Variants in PTPRD observed in about 807,000 individuals in gnomAD.
PTPRD encodes protein tyrosine phosphatase receptor type D, also known as receptor-type tyrosine-protein phosphatase delta.
In PTPRD, 34 loss-of-function variants were observed where a neutral mutation model predicts 214.5. The observed-to-expected ratio is 0.16, with a 90% CI of 0.12 to 0.21. The LOEUF (loss-of-function observed/expected upper bound fraction) is 0.21. Among genes scored for constraint, PTPRD ranks in the 10% least tolerant of loss-of-function variants. The pLI is 1.00. For missense variants in PTPRD, 2,545 were observed against 2,398.7 expected, an observed-to-expected ratio of 1.06 and a Z score of -1.27; for synonymous variants, 1,128 against 845.7, an observed-to-expected ratio of 1.33 and a Z score of -5.79.
At chr9:10,556,842 C>T (rs2062720461) in intron 2 of PTPRD, among the ~76,000 whole-genome samples, 1 of 151,958 alleles carries the variant, frequency 6.6e-6, no homozygotes, top group Non-Finnish European at 1.5e-5. Flanking sequence ...TAATTTTAAG[C>T]AACAGATAGT....
intron 39 of PTPRD, among the ~76,000 whole-genome samples, chr9:8,364,887 C>T (rs570855555): frequency 6.6e-6 from 1 of 152,314 alleles, no homozygotes; most frequent in South Asian, 2.1e-4. Context: ...AAATTACCTA[C>T]TCCAATCATC....
chr9:9,011,219 C>T (rs915876014), intron 11 of PTPRD, among the ~76,000 whole-genome samples: 2 of 152,022 alleles, frequency 1.3e-5, no homozygotes, highest in Admixed American at 6.6e-5. Flanking sequence ...ATAGCTTCTC[C>T]TCATTTACAT....
chr9:8,941,949 G>A (rs2099036558), intron 11 of PTPRD, among the ~76,000 whole-genome samples: 1 of 152,104 alleles, frequency 6.6e-6, no homozygotes, highest in Non-Finnish European at 1.5e-5. Context: ...GGGATTACAG[G>A]CGCCCACTAC....
chr9:8,881,487 AC>A (rs1465444861), intron 11 of PTPRD, among the ~76,000 whole-genome samples: 1 of 152,222 alleles, frequency 6.6e-6, no homozygotes, highest in Non-Finnish European at 1.5e-5. Context: ...AATGTAGTAT[AC>A]AGTTAGTTCT....
chr9:8,556,982 A>C (rs747865082), intron 14 of PTPRD, among the ~76,000 whole-genome samples: 1 of 152,180 alleles, frequency 6.6e-6, no homozygotes, highest in South Asian at 2.1e-4. Context: ...AATTAATACA[A>C]TATTGGCAAT....
intron 2 of PTPRD, among the ~76,000 whole-genome samples, chr9:10,359,032 G>C (rs752790553): frequency 6.6e-6 from 1 of 151,860 alleles, no homozygotes; most frequent in Non-Finnish European, 1.5e-5. Flanking sequence ...CCTTGCCTAT[G>C]TGTGTATATA....
chr9:8,373,337 A>C (rs1285806110), intron 39 of PTPRD, among the ~76,000 whole-genome samples: 1 of 152,032 alleles, frequency 6.6e-6, no homozygotes, highest in East Asian at 1.9e-4. Flanking sequence ...TTCTTACCAG[A>C]CATGTAAAAT....
At chr9:8,911,854 G>C (rs918449868) in intron 11 of PTPRD, among the ~76,000 whole-genome samples, 1 of 151,902 alleles carries the variant, frequency 6.6e-6, no homozygotes, top group Non-Finnish European at 1.5e-5. Context: ...TGAGCAAAAG[G>C]CTTGAACAGA....
intron 29 of PTPRD, among the ~76,000 whole-genome samples, chr9:8,484,837 G>C (rs904904131): frequency 3.3e-5 from 5 of 152,056 alleles, no homozygotes; most frequent in African/African-American, 9.7e-5. Flanking sequence ...TTAATGGCAA[G>C]CCAGAGTTTA....
intron 5 of PTPRD, among the ~76,000 whole-genome samples, chr9:9,780,353 A>G (rs978905474): frequency 1.3e-5 from 2 of 152,190 alleles, no homozygotes; most frequent in African/African-American, 4.8e-5. Flanking sequence ...AAATCTGCAT[A>G]TGTACCCCTG....
At chr9:9,702,912 A>G (rs1372584929) in intron 7 of PTPRD, among the ~76,000 whole-genome samples, 3 of 152,168 alleles carry the variant, frequency 2.0e-5, no homozygotes, top group Non-Finnish European at 4.4e-5. Flanking sequence ...CGTAAAGCCA[A>G]TCCATACATG....
chr9:10,566,004 G>T (rs375275536), intron 2 of PTPRD, among the ~76,000 whole-genome samples: 2 of 151,846 alleles, frequency 1.3e-5, no homozygotes, highest in African/African-American at 4.8e-5. Flanking sequence ...GTATAAGGTT[G>T]TCTATTTTTG....
chr9:8,737,805 C>T (rs1049922346), intron 11 of PTPRD, among the ~76,000 whole-genome samples: 1 of 152,112 alleles, frequency 6.6e-6, no homozygotes, highest in Admixed American at 6.5e-5. Context: ...TGTGCGCCAC[C>T]ACGCCTGGCT....
chr9:8,905,788 T>C (rs1047819785), intron 11 of PTPRD, among the ~76,000 whole-genome samples: 1 of 151,880 alleles, frequency 6.6e-6, no homozygotes, highest in Non-Finnish European at 1.5e-5. Context: ...CCTACCCTTC[T>C]TCCATTGTAG....
At chr9:10,420,317 T>A (rs190642783) in intron 2 of PTPRD, among the ~76,000 whole-genome samples, 5 of 152,020 alleles carry the variant, frequency 3.3e-5, no homozygotes, top group Admixed American at 6.6e-5. Context: ...TCCTTTGACA[T>A]CTTTACTAGT....
chr9:10,155,183 T>C (rs893982184), intron 3 of PTPRD, among the ~76,000 whole-genome samples: 1 of 152,144 alleles, frequency 6.6e-6, no homozygotes, highest in Non-Finnish European at 1.5e-5. Flanking sequence ...GCTGTAATCC[T>C]AGGTATTTTA....
chr9:10,546,753 A>G (rs1441053927), intron 2 of PTPRD, among the ~76,000 whole-genome samples: 4 of 152,216 alleles, frequency 2.6e-5, no homozygotes, highest in East Asian at 3.9e-4. Flanking sequence ...GCAACATATA[A>G]AAGTATAGTT....
chr9:9,237,982 T>A (rs1235357782), intron 9 of PTPRD, among the ~76,000 whole-genome samples: 1 of 152,150 alleles, frequency 6.6e-6, no homozygotes, highest in African/African-American at 2.4e-5. Flanking sequence ...TCTGTCCAGT[T>A]TCCTTAAATC....
chr9:9,471,988 T>C (rs1008093234), intron 8 of PTPRD, among the ~76,000 whole-genome samples: 1 of 152,094 alleles, frequency 6.6e-6, no homozygotes, highest in African/African-American at 2.4e-5. Context: ...ACCAGAAAAT[T>C]CCATTTATAA....
Sources: allele counts gnomAD v4.1 joint callset (sites outside exome capture counted in the v4.1 genomes callset), GRCh38; gene constraint gnomAD v4.1.1; transcripts MANE v1.5; gene names NCBI Gene and HGNC (gene_info 2026-07-23, HGNC 2026-07-21).